Variants in MAGEC3 observed in about 807,000 individuals in gnomAD.
The protein encoded by MAGEC3 is melanoma-associated antigen C3.
In MAGEC3, 34 loss-of-function variants were observed where a neutral mutation model predicts 35.3. The observed-to-expected ratio is 0.96, with a 90% CI of 0.73 to 1.28. The LOEUF is 1.28. Among genes scored for constraint, MAGEC3 ranks in the 50% most tolerant of loss-of-function variants. MAGEC3 has a pLI of 0.00. For missense variants in MAGEC3, 561 were observed against 483.6 expected (o/e 1.16, Z -1.50); for synonymous variants, 202 against 185.6 (o/e 1.09, Z -0.72).
chrX:141,854,131 C>G (rs1344017602), intron 1 of MAGEC3, among the ~76,000 whole-genome samples: 4 of 111,104 alleles, frequency 3.6e-5, no homozygotes, highest in Admixed American at 2.9e-4. Context: ...TAGTCATGAT[C>G]TCTGTCTTTA....
chrX:141,896,709 G>A (rs775066383), intron 6 of MAGEC3, 173 bp from the exon 7 acceptor site: 35 of 1,209,868 alleles, frequency 2.9e-5, no homozygotes, highest in Admixed American at 6.5e-5. Flanking sequence ...TCCAGAACCC[G>A]AGTGTGACAG....
At chrX:141,871,262 G>A (rs1320340453) in intron 2 of MAGEC3, among the ~76,000 whole-genome samples, 1 of 111,668 alleles carries the variant, frequency 9.0e-6, no homozygotes, top group East Asian at 2.8e-4. Context: ...ACAGTTTCCA[G>A]GGCCTAATAA....
chrX:141,842,273 A>T (rs1056297055), intron 1 of MAGEC3, among the ~76,000 whole-genome samples: 2 of 111,871 alleles, frequency 1.8e-5, no homozygotes, highest in Admixed American at 9.5e-5. Flanking sequence ...AAGGAATGAA[A>T]CTTGCTCATT....
chrX:141,844,383 C>T (rs2017704474), intron 1 of MAGEC3, among the ~76,000 whole-genome samples: 1 of 111,024 alleles, frequency 9.0e-6, no homozygotes, highest in South Asian at 3.7e-4. Flanking sequence ...AGTGTAGTTG[C>T]AATATGTGAA....
intron 4 of MAGEC3, among the ~76,000 whole-genome samples, chrX:141,886,895 T>C (rs1302164199): frequency 8.9e-6 from 1 of 111,947 alleles, no homozygotes; most frequent in African/African-American, 3.3e-5. Flanking sequence ...GGAGGGATTG[T>C]GGAGATGAGT....
intron 4 of MAGEC3, among the ~76,000 whole-genome samples, chrX:141,894,120 A>AGTT (rs2124128297): frequency 8.9e-6 from 1 of 111,858 alleles, no homozygotes; most frequent in East Asian, 2.8e-4. Context: ...TGAACTGCAA[A>AGTT]CAGAGCATAG....
At chrX:141,873,380 G>A (rs2017900620) in intron 2 of MAGEC3, among the ~76,000 whole-genome samples, 2 of 110,381 alleles carry the variant, frequency 1.8e-5, no homozygotes, top group South Asian at 7.8e-4. Context: ...ATTGTATGAG[G>A]GTGAAGTTTG....
chrX:141,878,843 TG>T (rs1365374503), intron 2 of MAGEC3, among the ~76,000 whole-genome samples: 1 of 111,732 alleles, frequency 8.9e-6, no homozygotes, highest in Non-Finnish European at 1.9e-5. Context: ...ACATAGTCTC[TG>T]GACAGCAGGG....
chrX:141,839,627 A>G, intron 1 of MAGEC3: 2 of 752,197 alleles, frequency 2.7e-6, no homozygotes, highest in African/African-American at 2.3e-5. Context: ...TTTATTCATT[A>G]TATCTTCAGT....
intron 4 of MAGEC3, 23 bp downstream of exon 4, chrX:141,881,819 T>C (rs374978086): frequency 1.5e-4 from 183 of 1,208,583 alleles, no homozygotes; most frequent in Non-Finnish European, 2.0e-4. Context: ...AGGGAGCATT[T>C]CGTCTATCGG....
At chrX:141,843,531 G>A (rs753317762) in intron 1 of MAGEC3, among the ~76,000 whole-genome samples, 70 of 111,332 alleles carry the variant, frequency 6.3e-4, no homozygotes, top group Non-Finnish European at 1.2e-3. Context: ...TAAAGAATAC[G>A]TGTGAGGGAA....
chrX:141,894,180 C>T (rs1311052173), intron 4 of MAGEC3, among the ~76,000 whole-genome samples: 1 of 111,769 alleles, frequency 8.9e-6, no homozygotes, highest in Non-Finnish European at 1.9e-5. Flanking sequence ...AAGAGATGCA[C>T]AGGGGACTTT....
In MAGEC3 at chrX:141,865,587, C is replaced by T. The variant is rs144765729; in HGVS notation, c.240C>T (p.Leu80=). 6.6e-6 allele frequency: 8 copies of T among 1,204,594 alleles called. No homozygotes were observed. Among genetic ancestry groups the T allele is most frequent in the Non-Finnish European group, 9.0e-6 (8 of 892,588 alleles). The change falls in exon 2 of 8, where the codon CTC becomes CTT. Residue 80 remains leucine (L), a synonymous_variant. Transcript: ENST00000298296. ...ATCAGCGAATGGATAGTCTTGTCCT[C>T]TGCCCCACATACTTCAAGGTAAGGA... The part of the protein sequence containing the change: ...TSDQRMDSLV[L]CPTYFKLWRT...
chrX:141,894,650 G>C, intron 4 of MAGEC3: 1 of 969,038 alleles, frequency 1.0e-6, no homozygotes, highest in East Asian at 7.6e-5. Flanking sequence ...ACACGGGGCA[G>C]CTTCAGTTAA....
chrX:141,894,608 G>A (rs777154614), intron 4 of MAGEC3: 2 of 950,520 alleles, frequency 2.1e-6, no homozygotes, highest in South Asian at 4.2e-5. Context: ...AAACCTTGAG[G>A]AAGACTGAGG....
rs757379905 is a variant in MAGEC3 at position 141,838,452 on chromosome X, T to G, written c.123+14T>G. 1 of 1,203,180 alleles carries G rather than the reference T, an allele frequency of 8.3e-7. No homozygotes were observed. Among genetic ancestry groups the G allele is most frequent in the South Asian group, 1.8e-5 (1 of 55,724 alleles). Reference sequence around the variant, plus strand: ...CCTCAGCCCCAGGTGTGGTAGCCCATGAATGCTCATGTCTAAGCCCCAGGT... The same window carrying G: ...CCTCAGCCCCAGGTGTGGTAGCCCAGGAATGCTCATGTCTAAGCCCCAGGT... On this transcript the variant is annotated intron_variant, in intron 1 of 7. Transcript: ENST00000298296.
intron 1 of MAGEC3, among the ~76,000 whole-genome samples, chrX:141,855,376 T>G (rs1286860922): frequency 9.0e-6 from 1 of 111,393 alleles, no homozygotes; most frequent in South Asian, 3.7e-4. Context: ...TAATAATGTA[T>G]TAATAACTAA....
At chrX:141,842,193 G>A (rs752194345) in intron 1 of MAGEC3, among the ~76,000 whole-genome samples, 9 of 111,247 alleles carry the variant, frequency 8.1e-5, no homozygotes, top group African/African-American at 2.3e-4. Context: ...AAATTAACAA[G>A]GCACGACACA....
intron 2 of MAGEC3, among the ~76,000 whole-genome samples, chrX:141,873,527 G>C (rs1337395790): frequency 9.0e-6 from 1 of 111,364 alleles, no homozygotes; most frequent in Non-Finnish European, 1.9e-5. Flanking sequence ...AAATGCATGA[G>C]GCTAGAAAGG....
Sources: allele counts gnomAD v4.1 joint callset (sites outside exome capture counted in the v4.1 genomes callset), GRCh38; gene constraint gnomAD v4.1.1; transcripts MANE v1.5; gene names NCBI Gene and HGNC (gene_info 2026-07-23, HGNC 2026-07-21).